The following ATE1 variants were observed in gnomAD, a reference collection of about 807,000 sequenced individuals.
The protein encoded by ATE1 is arginyltransferase 1.
Under a neutral mutation model 70.5 loss-of-function variants are expected in ATE1, and 36 were observed. The ratio of observed to expected loss-of-function variants is 0.51; its 90% CI spans 0.39 to 0.67. ATE1 has a LOEUF of 0.67. Ranked by LOEUF, ATE1 falls within the 30% of genes least tolerant of loss-of-function variation. The pLI, the probability that ATE1 is intolerant of heterozygous loss-of-function variation, is 0.00. For missense variants in ATE1, 593 were observed against 629.5 expected (o/e 0.94, Z 0.62); for synonymous variants, 232 against 219.3 (o/e 1.06, Z -0.51).
chr10:121,905,128 C>G (rs868522823), intron 5 of ATE1, among the ~76,000 whole-genome samples: 1 of 152,116 alleles, frequency 6.6e-6, no homozygotes, highest in Non-Finnish European at 1.5e-5. Flanking sequence ...GGCACGTTTC[C>G]CTGTCTGTAC....
At chr10:121,910,810 A>G in intron 5 of ATE1, 96 bp downstream of exon 5, 3 of 1,529,912 alleles carry the variant, frequency 2.0e-6, no homozygotes, top group Non-Finnish European at 2.7e-6. Flanking sequence ...TGCACGACTA[A>G]GTCATCCTTT....
chr10:121,839,591 C>A (rs1204604457), intron 9 of ATE1, among the ~76,000 whole-genome samples: 1 of 152,206 alleles, frequency 6.6e-6, no homozygotes, highest in South Asian at 2.1e-4. Context: ...TTATCAATTT[C>A]AATTTCAGTG....
intron 5 of ATE1, among the ~76,000 whole-genome samples, chr10:121,905,679 C>G (rs752829189): frequency 1.3e-5 from 2 of 152,144 alleles, no homozygotes; most frequent in East Asian, 1.9e-4. Context: ...CCTGTCTCTA[C>G]TAAAAATACA....
chr10:121,766,120 A>G (rs925892777), intron 11 of ATE1, among the ~76,000 whole-genome samples: 2 of 152,366 alleles, frequency 1.3e-5, no homozygotes, highest in African/African-American at 4.8e-5. Flanking sequence ...AGTAAGCAGT[A>G]TTAGAAGGAT....
chr10:121,903,424 C>T (rs1951064530), intron 5 of ATE1, among the ~76,000 whole-genome samples: 1 of 152,082 alleles, frequency 6.6e-6, no homozygotes, highest in South Asian at 2.1e-4. Context: ...AATCCTTGTG[C>T]ACCTGGAATT....
chr10:121,770,419 G>T (rs1419216144), intron 11 of ATE1, among the ~76,000 whole-genome samples: 3 of 152,024 alleles, frequency 2.0e-5, no homozygotes, highest in African/African-American at 7.2e-5. Context: ...AATAATCTGA[G>T]ATTAGCAAAG....
Position 121,894,833 on chromosome 10 carries a change from G to A in ATE1, c.942+5033C>T, listed in dbSNP as rs189266467. Among the ~76,000 whole-genome samples, 863 of 152,116 alleles carry A rather than the reference G, an allele frequency of 5.7e-3. 8 individuals carry two copies. Among genetic ancestry groups the A allele is most frequent in the African/African-American group, 0.02 (823 of 41,468 alleles). On this transcript the variant is annotated intron_variant, in intron 7 of 11. Coordinates refer to ENST00000224652, the MANE Select transcript of ATE1 (RefSeq NM_001001976.3). Reference sequence around the variant, plus strand: ...GGAGAATGGCCCGAACCCGAGAGGCGGAGCTTGCAGTGAGCCGAGATCGCA... The same window carrying A: ...GGAGAATGGCCCGAACCCGAGAGGCAGAGCTTGCAGTGAGCCGAGATCGCA...
At chr10:121,769,992 T>A (rs188110471) in intron 11 of ATE1, among the ~76,000 whole-genome samples, 231 of 152,332 alleles carry the variant, frequency 1.5e-3, no homozygotes, top group African/African-American at 5.4e-3. Flanking sequence ...CACAACCCAG[T>A]AACTGTACTG....
At chr10:121,823,269 G>A (rs1225323455) in intron 10 of ATE1, among the ~76,000 whole-genome samples, 2 of 151,808 alleles carry the variant, frequency 1.3e-5, no homozygotes, top group South Asian at 2.1e-4. Flanking sequence ...CAGCCTGGGC[G>A]ACAGAACAAG....
At chr10:121,881,867 C>T (rs1334498399) in intron 7 of ATE1, among the ~76,000 whole-genome samples, 1 of 152,140 alleles carries the variant, frequency 6.6e-6, no homozygotes, top group Non-Finnish European at 1.5e-5. Context: ...GACCTCGGCT[C>T]ACTGCAAACT....
intron 11 of ATE1, among the ~76,000 whole-genome samples, chr10:121,785,152 T>C (rs1042880704): frequency 2.6e-5 from 4 of 152,130 alleles, no homozygotes; most frequent in Non-Finnish European, 5.9e-5. Flanking sequence ...CATCATTCAT[T>C]TTGCAACTTG....
At chr10:121,913,929 C>A in intron 3 of ATE1, 36 bp from the exon 4 acceptor site, 1 of 1,512,552 alleles carries the variant, frequency 6.6e-7, no homozygotes, top group South Asian at 1.2e-5. Flanking sequence ...AAAGTGAACT[C>A]AAACCTTGAA....
chr10:121,877,203 T>C (rs1950082388), intron 7 of ATE1, among the ~76,000 whole-genome samples: 1 of 152,160 alleles, frequency 6.6e-6, no homozygotes, highest in Non-Finnish European at 1.5e-5. Flanking sequence ...AAGGCCTATA[T>C]GTTAATTGCA....
intron 7 of ATE1, among the ~76,000 whole-genome samples, chr10:121,882,726 T>C (rs1048246384): frequency 1.3e-5 from 2 of 152,182 alleles, no homozygotes; most frequent in Non-Finnish European, 2.9e-5. Context: ...TTCACACCAT[T>C]CAATCCAAAG....
chr10:121,876,822 C>G (rs12768377), intron 7 of ATE1, among the ~76,000 whole-genome samples: 1 of 151,486 alleles, frequency 6.6e-6, no homozygotes, highest in Non-Finnish European at 1.5e-5. Context: ...AAAAATTAGC[C>G]GGGCGTGGTG....
intron 7 of ATE1, among the ~76,000 whole-genome samples, chr10:121,876,922 C>T (rs1950071751): frequency 6.7e-6 from 1 of 150,240 alleles, no homozygotes; most frequent in Non-Finnish European, 1.5e-5. Flanking sequence ...GCCGAGATAG[C>T]GCCACTGCAC....
intron 7 of ATE1, among the ~76,000 whole-genome samples, chr10:121,887,631 A>G (rs1014716578): frequency 2.6e-5 from 4 of 152,156 alleles, no homozygotes; most frequent in East Asian, 1.9e-4. Flanking sequence ...GCTTGAGTCC[A>G]AGAGTTTGAG....
At chr10:121,758,142 T>A (rs1944883312) in intron 11 of ATE1, among the ~76,000 whole-genome samples, 1 of 132,758 alleles carries the variant, frequency 7.5e-6, no homozygotes, top group South Asian at 2.3e-4. Flanking sequence ...TAGCTAATAA[T>A]TTTTTTAAAA....
intron 11 of ATE1, among the ~76,000 whole-genome samples, chr10:121,788,635 A>G (rs928866919): frequency 3.3e-5 from 5 of 152,164 alleles, no homozygotes; most frequent in African/African-American, 1.2e-4. Flanking sequence ...GTTTTGCTCC[A>G]TCTACTCCTC....
Sources: gnomAD v4.1 joint callset for allele counts (sites outside exome capture counted in the v4.1 genomes callset) on GRCh38, gnomAD v4.1.1 for gene constraint, MANE v1.5 for transcripts, NCBI Gene and HGNC (gene_info 2026-07-23, HGNC 2026-07-21) for gene names.